Variants in ADAMTS6 observed in about 807,000 individuals in gnomAD.
ADAMTS6 encodes A disintegrin and metalloproteinase with thrombospondin motifs 6.
Under a neutral mutation model 144.3 loss-of-function variants are expected in ADAMTS6, and 23 were observed. The observed-to-expected ratio is 0.16, with a 90% CI of 0.11 to 0.23. ADAMTS6 has a LOEUF of 0.23. Ranked by LOEUF, ADAMTS6 falls within the 10% of genes least tolerant of loss-of-function variation. The pLI is 1.00. For synonymous variants in ADAMTS6, 444 were observed against 457.5 expected (o/e 0.97, Z 0.38); for missense variants, 999 against 1,379.6 (o/e 0.72, Z 4.37).
chr5:65,428,678 C>A (rs986356749), intron 7 of ADAMTS6, among the ~76,000 whole-genome samples: 1 of 152,122 alleles, frequency 6.6e-6, no homozygotes, highest in African/African-American at 2.4e-5. Flanking sequence ...TTCCTGGGGA[C>A]CCTGATACAC....
chr5:65,380,617 A>T (rs1001521008), intron 7 of ADAMTS6, among the ~76,000 whole-genome samples: 1 of 152,130 alleles, frequency 6.6e-6, no homozygotes, highest in African/African-American at 2.4e-5. Context: ...ATCACTTCTG[A>T]AATGCCCCTA....
At chr5:65,247,838 T>G (rs1383978276) in intron 14 of ADAMTS6, among the ~76,000 whole-genome samples, 3 of 152,164 alleles carry the variant, frequency 2.0e-5, no homozygotes, top group Non-Finnish European at 4.4e-5. Flanking sequence ...TCATACCAAA[T>G]TCACTCTTGC....
chr5:65,188,740 A>G (rs1392369196), intron 21 of ADAMTS6, among the ~76,000 whole-genome samples: 1 of 152,236 alleles, frequency 6.6e-6, no homozygotes, highest in Non-Finnish European at 1.5e-5. Flanking sequence ...ATAGGGTCCT[A>G]TGAACCAATA....
chr5:65,295,953 A>G (rs1029881278), intron 10 of ADAMTS6, among the ~76,000 whole-genome samples: 7 of 152,100 alleles, frequency 4.6e-5, no homozygotes, highest in African/African-American at 1.7e-4. Flanking sequence ...TTCGGTCATC[A>G]GCAAAAATTT....
At chr5:65,296,287 C>T (rs751940792) in intron 10 of ADAMTS6, among the ~76,000 whole-genome samples, 4 of 152,154 alleles carry the variant, frequency 2.6e-5, no homozygotes, top group African/African-American at 7.2e-5. Flanking sequence ...AACTGTCTTA[C>T]GTACTATAGT....
chr5:65,299,974 A>T lies in ADAMTS6; in HGVS notation c.1370+11T>A, dbSNP rs533132882. ...GGAGCTATTTATCATCACTCTCCAGAGATTACTTACTCTAGAAAGCTGGTG... is the reference window on the plus strand; with the variant it reads ...GGAGCTATTTATCATCACTCTCCAGTGATTACTTACTCTAGAAAGCTGGTG... On this transcript the variant is annotated intron_variant, in intron 10 of 24. Transcript: ENST00000381055. 6.8e-6 allele frequency: 11 copies of T among 1,611,542 alleles called. No homozygotes were observed. In the East Asian group the frequency reaches 2.5e-4, roughly 36 times the overall value.
chr5:65,382,383 C>A lies in ADAMTS6; in HGVS notation c.1074-48298G>T, dbSNP rs549859146. Among the ~76,000 whole-genome samples, 291 of 152,328 alleles carry A rather than the reference C, an allele frequency of 1.9e-3. 1 individual carries two copies. Among genetic ancestry groups the A allele is most frequent in the African/African-American group, 6.8e-3 (281 of 41,570 alleles). On this transcript the variant is annotated intron_variant, in intron 7 of 24. Coordinates refer to ENST00000381055, the MANE Select transcript of ADAMTS6 (RefSeq NM_197941.4). ...TGAAATATCTGATTTGAGCCCCACACTCTCCTGAAATACAAGTAATTGAAC... is the reference window on the plus strand; with the variant it reads ...TGAAATATCTGATTTGAGCCCCACAATCTCCTGAAATACAAGTAATTGAAC...
At chr5:65,409,417 G>C (rs1185755439) in intron 7 of ADAMTS6, among the ~76,000 whole-genome samples, 3 of 152,016 alleles carry the variant, frequency 2.0e-5, no homozygotes, top group Admixed American at 1.3e-4. Context: ...ATAAATTCCT[G>C]GACACATACA....
chr5:65,164,753 AC>A (rs1411588854), intron 24 of ADAMTS6, among the ~76,000 whole-genome samples: 5 of 139,610 alleles, frequency 3.6e-5, no homozygotes, highest in African/African-American at 1.1e-4. Flanking sequence ...ACTGGGAGGC[AC>A]CCCCCAGCAG....
intron 18 of ADAMTS6, among the ~76,000 whole-genome samples, chr5:65,223,912 G>A (rs1008517160): frequency 4.0e-5 from 6 of 150,688 alleles, no homozygotes; most frequent in Admixed American, 3.3e-4. Context: ...TCATTTTCCT[G>A]CCTCAGCCTC....
At chr5:65,278,816 T>G (rs1762762286) in intron 11 of ADAMTS6, among the ~76,000 whole-genome samples, 1 of 152,244 alleles carries the variant, frequency 6.6e-6, no homozygotes, top group South Asian at 2.1e-4. Flanking sequence ...ATATTTAAAT[T>G]GAATATACTA....
At chr5:65,155,442 C>G (rs759487265) in intron 24 of ADAMTS6, among the ~76,000 whole-genome samples, 4 of 152,120 alleles carry the variant, frequency 2.6e-5, no homozygotes, top group African/African-American at 7.2e-5. Flanking sequence ...CAGCATATTA[C>G]TATACTGAAT....
At chr5:65,451,921 T>C (rs190096280) in intron 6 of ADAMTS6, among the ~76,000 whole-genome samples, 7 of 152,322 alleles carry the variant, frequency 4.6e-5, no homozygotes, top group African/African-American at 1.2e-4. Flanking sequence ...TACTGAAACA[T>C]AGCTAATCTA....
At chr5:65,308,822 T>C (rs1226720348) in intron 9 of ADAMTS6, among the ~76,000 whole-genome samples, 2 of 152,124 alleles carry the variant, frequency 1.3e-5, no homozygotes, top group South Asian at 4.1e-4. Flanking sequence ...GACACTAAGA[T>C]TCCAAAATTA....
chr5:65,243,899 C>T (rs1759417450), intron 14 of ADAMTS6, among the ~76,000 whole-genome samples: 1 of 151,986 alleles, frequency 6.6e-6, no homozygotes. Flanking sequence ...GCACCAGTCA[C>T]CTAAAGTTCA....
intron 9 of ADAMTS6, among the ~76,000 whole-genome samples, chr5:65,320,004 T>C (rs1745442180): frequency 6.6e-6 from 1 of 152,124 alleles, no homozygotes; most frequent in South Asian, 2.1e-4. Flanking sequence ...CCACCACACC[T>C]GGCTTATTTT....
intron 20 of ADAMTS6, among the ~76,000 whole-genome samples, chr5:65,203,800 G>GCATT (rs1372336774): frequency 6.6e-6 from 1 of 151,938 alleles, no homozygotes; most frequent in African/African-American, 2.4e-5. Context: ...AGTATTTTAT[G>GCATT]CATTCAAACA....
intron 11 of ADAMTS6, among the ~76,000 whole-genome samples, chr5:65,274,145 T>C (rs1167908408): frequency 1.3e-5 from 2 of 152,246 alleles, no homozygotes; most frequent in Non-Finnish European, 2.9e-5. Context: ...TACCTCAGCA[T>C]AGGAAAATTA....
intron 7 of ADAMTS6, among the ~76,000 whole-genome samples, chr5:65,420,755 G>C (rs1319223594): frequency 6.6e-6 from 1 of 151,948 alleles, no homozygotes; most frequent in Non-Finnish European, 1.5e-5. Flanking sequence ...GATGTAGCTG[G>C]AAAAAAAGCT....
Sources: allele counts gnomAD v4.1 joint callset (sites outside exome capture counted in the v4.1 genomes callset), GRCh38; gene constraint gnomAD v4.1.1; transcripts MANE v1.5; gene names NCBI Gene and HGNC (gene_info 2026-07-23, HGNC 2026-07-21).